Variants in BTBD16 observed in about 807,000 individuals in gnomAD.
BTBD16 encodes the protein BTB/POZ domain-containing protein 16.
BTBD16 carries 66 observed loss-of-function variants against 67.4 expected under a neutral mutation model. The observed-to-expected ratio is 0.98, with a 90% CI of 0.80 to 1.20. The LOEUF is 1.20. Ranked by LOEUF, BTBD16 falls within the 50% of genes most tolerant of loss-of-function variation. BTBD16 has a pLI of 0.00. For missense variants in BTBD16, 634 were observed against 616.0 expected, an observed-to-expected ratio of 1.03 and a Z score of -0.31; for synonymous variants, 242 against 236.4, an observed-to-expected ratio of 1.02 and a Z score of -0.22.
intron 11 of BTBD16, 91 bp downstream of exon 11, chr10:122,329,662 T>C (rs2096451945): frequency 1.9e-6 from 2 of 1,058,968 alleles, no homozygotes; most frequent in African/African-American, 1.6e-5. Flanking sequence ...CCACCTGATG[T>C]TTCCAAGGGA....
At chr10:122,281,638 T>G (rs1419086707) in intron 3 of BTBD16, among the ~76,000 whole-genome samples, 2 of 152,180 alleles carry the variant, frequency 1.3e-5, no homozygotes, top group Non-Finnish European at 2.9e-5. Context: ...AAAGAGAGAA[T>G]GCTAACTGAA....
In BTBD16 at chr10:122,331,352, T is replaced by C. The variant is rs980931939; in HGVS notation, c.1086+94T>C. 11 of 1,553,240 alleles carry C rather than the reference T, an allele frequency of 7.1e-6. No individual in the cohort carries two copies. In the African/African-American group the frequency reaches 1.4e-4, roughly 19 times the overall value. ...AGATGTGTTTCACATTTGAAACCTC[T>C]AAACCTCTGAGGTCAGGACATATCT... On this transcript the variant is annotated intron_variant, in intron 12 of 15. Coordinates refer to ENST00000260723, the MANE Select transcript of BTBD16 (RefSeq NM_144587.5).
At chr10:122,275,341 C>T (rs1039731277) in intron 2 of BTBD16, among the ~76,000 whole-genome samples, 3 of 152,170 alleles carry the variant, frequency 2.0e-5, no homozygotes, top group Non-Finnish European at 4.4e-5. Context: ...TACATCTAGA[C>T]TCAGATTCCA....
chr10:122,283,584 A>G (rs1386906937), intron 3 of BTBD16, among the ~76,000 whole-genome samples: 3 of 152,230 alleles, frequency 2.0e-5, no homozygotes, highest in Non-Finnish European at 4.4e-5. Context: ...GGTGTCATTC[A>G]GGCAGCCAAT....
intron 8 of BTBD16, 125 bp from the exon 9 acceptor site, chr10:122,298,879 T>C (rs2096388487): frequency 8.1e-7 from 1 of 1,232,936 alleles, no homozygotes; most frequent in East Asian, 2.4e-5. Context: ...ATGTATTTTG[T>C]AGAAAAGGTT....
intron 9 of BTBD16, among the ~76,000 whole-genome samples, chr10:122,300,653 G>T (rs936112536): frequency 8.5e-5 from 13 of 152,056 alleles, no homozygotes; most frequent in African/African-American, 3.1e-4. Flanking sequence ...AATGTCATTT[G>T]CCCAATACTG....
Position 122,331,173 on chromosome 10 carries a change from C to T in BTBD16, c.1004-3C>T, listed in dbSNP as rs1234436796. The stretch of plus-strand genomic sequence containing the variant: ...AAAACATTCTCTTTGCGTTTCTTCC[C>T]AGGCAAGGATCTGGAGGTGCTGCGG... On this transcript the variant is annotated splice_polypyrimidine_tract_variant and splice_region_variant and intron_variant, in intron 11 of 15. Transcript: ENST00000260723. 6.2e-7 allele frequency: 1 copy of T among 1,609,414 alleles called. No homozygotes were observed. Among genetic ancestry groups the T allele is most frequent in the Non-Finnish European group, 8.5e-7 (1 of 1,178,660 alleles).
chr10:122,322,309 G>C lies in BTBD16; in HGVS notation c.912-7171G>C, dbSNP rs77523049. Among the ~76,000 whole-genome samples the C allele has an allele frequency of 3.1e-3, 479 of 152,228 alleles. 6 individuals carry two copies. Among genetic ancestry groups the C allele is most frequent in the African/African-American group, 0.011 (457 of 41,518 alleles). On this transcript the variant is annotated intron_variant, in intron 10 of 15. Coordinates refer to ENST00000260723, the MANE Select transcript of BTBD16 (RefSeq NM_144587.5). The stretch of plus-strand genomic sequence containing the variant: ...AGGCTTTCTTCTTTTCTGATTTAGA[G>C]CTATACGTTTCCTTTAACTGCATCC...
intron 10 of BTBD16, among the ~76,000 whole-genome samples, chr10:122,318,907 T>A (rs2096430901): frequency 6.6e-6 from 1 of 152,180 alleles, no homozygotes; most frequent in South Asian, 2.1e-4. Flanking sequence ...GGTCAGCCTT[T>A]TTGATTCTTG....
chr10:122,331,229 G>T lies in BTBD16; in HGVS notation c.1057G>T (p.Asp353Tyr), dbSNP rs201203665. ...TAACTTCTTCCCAGAGTCATGGCTCGACCAGGTTACAGTCAACCATTACCA... is the reference window on the plus strand; with the variant it reads ...TAACTTCTTCCCAGAGTCATGGCTCTACCAGGTTACAGTCAACCATTACCA... ...HLNFFPESWL[D>Y]QVTVNHYHAL... Residue 353 changes from aspartate to tyrosine, a missense_variant, in exon 12 of 16, where the codon GAC (aspartate) becomes TAC (tyrosine). Coordinates refer to ENST00000260723, the MANE Select transcript of BTBD16 (RefSeq NM_144587.5). The T allele has an allele frequency of 1.2e-6, 2 of 1,613,550 alleles. No homozygotes were observed. The highest frequency in any genetic ancestry group is 2.2e-5 in the South Asian group (2 of 90,974).
intron 10 of BTBD16, among the ~76,000 whole-genome samples, chr10:122,326,296 T>C (rs1041748135): frequency 7.9e-5 from 12 of 152,162 alleles, no homozygotes; most frequent in African/African-American, 2.9e-4. Flanking sequence ...CTCCAGAACT[T>C]TTCCATCTTC....
At chr10:122,286,375 G>T (rs938910677) in intron 5 of BTBD16, 127 bp downstream of exon 5, 6 of 1,317,198 alleles carry the variant, frequency 4.6e-6, no homozygotes, top group Non-Finnish European at 6.0e-6. Context: ...GCTCCACAGT[G>T]TTATCTCATC....
intron 9 of BTBD16, among the ~76,000 whole-genome samples, chr10:122,300,824 A>G (rs1374452573): frequency 6.6e-6 from 1 of 152,242 alleles, no homozygotes. Flanking sequence ...ATTATGCTGA[A>G]AATCCTAGTA....
At chr10:122,275,711 C>T (rs114042112) in intron 2 of BTBD16, among the ~76,000 whole-genome samples, 1,743 of 152,252 alleles carry the variant, frequency 0.011, 38 homozygotes, top group African/African-American at 0.04. Context: ...GGTCCCTCCT[C>T]GTGCTTTTTT....
intron 14 of BTBD16, among the ~76,000 whole-genome samples, chr10:122,336,114 C>T (rs4752685): frequency 0.37 from 55,727 of 151,942 alleles, 10,686 homozygotes; most frequent in East Asian, 0.69. Flanking sequence ...GCTCTTGGTC[C>T]CCACTGACTC....
chr10:122,284,137 A>G (rs1217142237), intron 4 of BTBD16, among the ~76,000 whole-genome samples: 1 of 152,206 alleles, frequency 6.6e-6, no homozygotes, highest in Non-Finnish European at 1.5e-5. Flanking sequence ...ACACATTTTC[A>G]TATGCTCCTC....
chr10:122,303,292 A>G (rs77871513), intron 9 of BTBD16, among the ~76,000 whole-genome samples: 4,011 of 152,230 alleles, frequency 0.026, 179 homozygotes, highest in African/African-American at 0.092. Context: ...ATGTAATTTT[A>G]CTCTTACCAC....
rs542877209 is a variant in BTBD16, at chr10:122,304,983, A to G, written c.792-2206A>G. Among the ~76,000 whole-genome samples the G allele has an allele frequency of 2.3e-3, 346 of 152,276 alleles. 3 individuals carry two copies. The highest frequency in any genetic ancestry group is 7.9e-3 in the African/African-American group (329 of 41,566). The stretch of plus-strand genomic sequence containing the variant: ...AGAGCTTCCATCCGCTGAGCATGTC[A>G]TGATGTGCCAGGCACTGTACTAAGC... On this transcript the variant is annotated intron_variant, in intron 9 of 15. Coordinates refer to ENST00000260723, the MANE Select transcript of BTBD16 (RefSeq NM_144587.5).
chr10:122,292,308 G>C (rs1490936375), intron 7 of BTBD16, among the ~76,000 whole-genome samples: 5 of 152,240 alleles, frequency 3.3e-5, no homozygotes, highest in African/African-American at 1.2e-4. Context: ...TTGCCTTTCA[G>C]TTCTCAGCCC....
Sources: gnomAD v4.1 joint callset for allele counts (sites outside exome capture counted in the v4.1 genomes callset) on GRCh38, gnomAD v4.1.1 for gene constraint, MANE v1.5 for transcripts, NCBI Gene and HGNC (gene_info 2026-07-23, HGNC 2026-07-21) for gene names.